SLC24A4: variants seen among roughly 807,000 people sequenced by gnomAD.
SLC24A4 encodes solute carrier family 24 member 4, also known as sodium/potassium/calcium exchanger 4.
SLC24A4 carries 53 observed loss-of-function variants against 79.0 expected under a neutral mutation model. That is an observed-to-expected ratio of 0.67 (90% CI 0.54 to 0.84). SLC24A4 has a LOEUF of 0.84. Ranked by LOEUF, SLC24A4 falls within the 40% of genes least tolerant of loss-of-function variation. SLC24A4 has a pLI of 0.00. For missense variants in SLC24A4, 731 were observed against 822.0 expected (o/e 0.89, Z 1.35); for synonymous variants, 323 against 323.8 (o/e 1.00, Z 0.03).
At chr14:92,455,748 T>G (rs1021209280) in intron 11 of SLC24A4, among the ~76,000 whole-genome samples, 10 of 152,170 alleles carry the variant, frequency 6.6e-5, no homozygotes, top group African/African-American at 2.4e-4. Flanking sequence ...GAGTCTTGCT[T>G]TTGTTGCCCA....
intron 2 of SLC24A4, among the ~76,000 whole-genome samples, chr14:92,329,442 G>A (rs911577750): frequency 2.6e-5 from 4 of 152,114 alleles, no homozygotes; most frequent in East Asian, 3.9e-4. Flanking sequence ...TGGTGTTAGC[G>A]TTTTGATCTC....
chr14:92,442,122 A>G lies in SLC24A4; in HGVS notation c.427A>G (p.Thr143Ala), dbSNP rs759841536. 150 of 1,613,892 alleles carry G rather than the reference A, an allele frequency of 9.3e-5. No homozygotes were observed. Among genetic ancestry groups the G allele is most frequent in the Non-Finnish European group, 1.2e-4 (147 of 1,179,950 alleles). The change falls in exon 5 of 17, where the codon ACC (threonine) becomes GCC (alanine). Residue 143 changes from threonine (T) to alanine (A), a missense_variant. Coordinates refer to ENST00000532405, the MANE Select transcript of SLC24A4 (RefSeq NM_153646.4). ...TCTGAGCGAAGATGTGGCTGGAGCC[A>G]CCTTCATGGCTGCAGGAAGCTCAAC... ...LHLSEDVAGATFMAAGSSTPE... is the reference protein window; with the variant it reads ...LHLSEDVAGAAFMAAGSSTPE...
chr14:92,334,707 GC>G (rs2141603168), intron 2 of SLC24A4, among the ~76,000 whole-genome samples: 1 of 152,250 alleles, frequency 6.6e-6, no homozygotes, highest in Admixed American at 6.5e-5. Flanking sequence ...CCCCTTACTG[GC>G]CGTGTGACCC....
intron 2 of SLC24A4, among the ~76,000 whole-genome samples, chr14:92,367,214 C>T (rs1044004480): frequency 4.6e-5 from 7 of 152,172 alleles, no homozygotes; most frequent in South Asian, 2.1e-4. Flanking sequence ...TCCAACATGC[C>T]GGCCTGAGCT....
intron 2 of SLC24A4, among the ~76,000 whole-genome samples, chr14:92,346,084 G>T (rs888292470): frequency 6.6e-6 from 1 of 152,136 alleles, no homozygotes; most frequent in Non-Finnish European, 1.5e-5. Context: ...AGCTAAGGGG[G>T]CAGGAAGCGC....
chr14:92,453,018 T>C (rs1412084985), intron 10 of SLC24A4: 1 of 152,282 alleles, frequency 6.6e-6, no homozygotes, highest in Non-Finnish European at 1.5e-5. Context: ...TGCCTGCTTC[T>C]GCATGCTGTG....
intron 2 of SLC24A4, among the ~76,000 whole-genome samples, chr14:92,354,168 CT>C (rs111511708): frequency 0.13 from 18,177 of 142,348 alleles, 1,121 homozygotes; most frequent in Admixed American, 0.15. Context: ...TTACTGACTA[CT>C]TTTTTTTTTT....
At position 92,396,924 on chromosome 14, in the gene SLC24A4, G is replaced by GT. The variant is rs200354960; in HGVS notation, c.242-36988_242-36987insT. On this transcript the variant is annotated intron_variant, in intron 2 of 16. Coordinates refer to ENST00000532405, the MANE Select transcript of SLC24A4 (RefSeq NM_153646.4). ...GATTATAGGGCACCACTTCTATACT[G>GT]GACACAGTGCTACCCTGGAGATTCT... Among the ~76,000 whole-genome samples the GT allele has an allele frequency of 7.1e-3, 1,078 of 152,258 alleles. 12 individuals carry two copies. The highest frequency in any genetic ancestry group is 0.025 in the African/African-American group (1,049 of 41,522).
At chr14:92,352,716 G>A (rs184015125) in intron 2 of SLC24A4, among the ~76,000 whole-genome samples, 1 of 152,322 alleles carries the variant, frequency 6.6e-6, no homozygotes, top group Admixed American at 6.5e-5. Flanking sequence ...AAAAGTGAGG[G>A]TGGTGGCTGA....
intron 2 of SLC24A4, among the ~76,000 whole-genome samples, chr14:92,410,519 T>C (rs1211904793): frequency 6.6e-6 from 1 of 152,152 alleles, no homozygotes; most frequent in African/African-American, 2.4e-5. Context: ...AAGCAAAAAT[T>C]ACCATGGATG....
rs146980535 is a variant in SLC24A4, at chr14:92,431,099, G to A, written c.242-2813G>A. Among the ~76,000 whole-genome samples, 5 of 152,352 alleles carry A rather than the reference G, an allele frequency of 3.3e-5. No individual in the cohort carries two copies. In the East Asian group the frequency reaches 9.6e-4, roughly 29 times the overall value. On this transcript the variant is annotated intron_variant, in intron 2 of 16. Coordinates refer to ENST00000532405, the MANE Select transcript of SLC24A4 (RefSeq NM_153646.4). ...CCAAATCATCTCTTACTTTCTCATT[G>A]TCTTGCTCTTTCTCTCTTTCTCCAA...
intron 2 of SLC24A4, among the ~76,000 whole-genome samples, chr14:92,408,166 AGTGTGTGTGTGT>A (rs143375295): frequency 1.1e-3 from 148 of 136,916 alleles, no homozygotes; most frequent in African/African-American, 3.8e-3. Context: ...TTGCTACAGC[AGTGTGTGTGTGT>A]GTGTGTGTGT....
chr14:92,341,653 C>T (rs1192632075), intron 2 of SLC24A4, among the ~76,000 whole-genome samples: 1 of 152,180 alleles, frequency 6.6e-6, no homozygotes, highest in Admixed American at 6.5e-5. Context: ...CGACGGGCAG[C>T]TTGCCTCCCC....
chr14:92,440,396 C>G (rs1186663111), intron 4 of SLC24A4, among the ~76,000 whole-genome samples: 2 of 152,198 alleles, frequency 1.3e-5, no homozygotes, highest in South Asian at 4.1e-4. Context: ...CACCCAGGGC[C>G]CCTGTGGAGT....
chr14:92,480,911 C>T (rs1172081597), intron 12 of SLC24A4, among the ~76,000 whole-genome samples: 1 of 152,160 alleles, frequency 6.6e-6, no homozygotes, highest in Non-Finnish European at 1.5e-5. Flanking sequence ...CTTTTCTAAA[C>T]TAATTCTGTA....
At chr14:92,464,355 G>A (rs941831254) in intron 12 of SLC24A4, among the ~76,000 whole-genome samples, 3 of 152,074 alleles carry the variant, frequency 2.0e-5, no homozygotes, top group African/African-American at 4.8e-5. Flanking sequence ...AATCCACTCT[G>A]TGCCACCCCT....
intron 2 of SLC24A4, among the ~76,000 whole-genome samples, chr14:92,402,723 A>C (rs1393357569): frequency 6.6e-6 from 1 of 152,118 alleles, no homozygotes; most frequent in Non-Finnish European, 1.5e-5. Flanking sequence ...GAGCTTGGGG[A>C]GGGAAACTCC....
Position 92,499,720 on chromosome 14 carries a change from G to A in SLC24A4, c.*6092G>A, listed in dbSNP as rs1342536362. 2.0e-5 allele frequency: 3 copies of A among 150,592 alleles called. No homozygotes were observed. Among genetic ancestry groups the A allele is most frequent in the African/African-American group, 7.3e-5 (3 of 40,882 alleles). 9.3% of individuals were successfully genotyped at this position (150,592 alleles called of 1,614,324 possible). A position where few individuals can be genotyped will look rare whatever the true frequency, so the allele number is the denominator to read the frequency against. On this transcript the variant is annotated 3_prime_UTR_variant, in exon 17 of 17. Transcript: ENST00000532405. ...TTTTTTTTAGAGACAGGATCTCGCT[G>A]TGTTCCCCAGGTAGGTCTTGAACTC...
intron 2 of SLC24A4, among the ~76,000 whole-genome samples, chr14:92,364,064 A>G (rs1009279563): frequency 6.6e-6 from 1 of 152,126 alleles, no homozygotes; most frequent in African/African-American, 2.4e-5. Flanking sequence ...CGCAGGGTAC[A>G]TGGCAGCTCC....
Sources: allele counts gnomAD v4.1 joint callset (sites outside exome capture counted in the v4.1 genomes callset), GRCh38; gene constraint gnomAD v4.1.1; transcripts MANE v1.5; gene names NCBI Gene and HGNC (gene_info 2026-07-23, HGNC 2026-07-21).